CORO2B: variants seen among roughly 807,000 people sequenced by gnomAD.
The protein encoded by CORO2B is coronin-2B.
Under a neutral mutation model 58.8 loss-of-function variants are expected in CORO2B, and 26 were observed. The ratio of observed to expected loss-of-function variants is 0.44; its 90% CI spans 0.32 to 0.61. CORO2B has a LOEUF of 0.61. Among genes scored for constraint, CORO2B ranks in the 20% least tolerant of loss-of-function variants. The pLI is 0.04. For missense variants in CORO2B, 460 were observed against 645.1 expected (o/e 0.71, Z 3.11); for synonymous variants, 242 against 253.8 (o/e 0.95, Z 0.44).
intron 1 of CORO2B, among the ~76,000 whole-genome samples, chr15:68,623,813 C>T (rs916364138): frequency 5.3e-5 from 8 of 152,120 alleles, no homozygotes; most frequent in African/African-American, 1.2e-4. Flanking sequence ...AGGTTGGAGG[C>T]GGGTGTGTTT....
chr15:68,670,163 G>A (rs1902340480), intron 2 of CORO2B, among the ~76,000 whole-genome samples: 1 of 152,054 alleles, frequency 6.6e-6, no homozygotes, highest in Non-Finnish European at 1.5e-5. Flanking sequence ...AGATGGCAAA[G>A]CAGAAGTACT....
In CORO2B at chr15:68,714,571, A is replaced by C. The variant is rs1892988732; in HGVS notation, c.778A>C (p.Met260Leu). Reference sequence around the variant, plus strand: ...TCTTCTCCCTCAGGAGGACCTCTCCATGCCCCTGATCGAAGAGGAAATTGA... The same window carrying C: ...TCTTCTCCCTCAGGAGGACCTCTCCCTGCCCCTGATCGAAGAGGAAATTGA... ...IALWDQEDLSMPLIEEEIDGL... is the reference protein window; with the variant it reads ...IALWDQEDLSLPLIEEEIDGL... Residue 260 changes from methionine to leucine, a missense_variant, in exon 7 of 12, where the codon ATG (methionine) becomes CTG (leucine). Met to Leu is a conservative substitution (Grantham distance 15). Transcript: ENST00000261861. 5 of 1,613,824 alleles carry C rather than the reference A, an allele frequency of 3.1e-6. No individual in the cohort carries two copies. Among genetic ancestry groups the C allele is most frequent in the Non-Finnish European group, 4.2e-6 (5 of 1,179,770 alleles).
chr15:68,695,807 G>A (rs1156273682), intron 3 of CORO2B, among the ~76,000 whole-genome samples: 1 of 152,092 alleles, frequency 6.6e-6, no homozygotes, highest in Admixed American at 6.6e-5. Context: ...AATGAGAAGA[G>A]AGAAGAAACA....
At chr15:68,685,130 A>G (rs1902920592) in intron 2 of CORO2B, among the ~76,000 whole-genome samples, 1 of 152,192 alleles carries the variant, frequency 6.6e-6, no homozygotes, top group Non-Finnish European at 1.5e-5. Context: ...TTACATGCTC[A>G]TCACCTAATG....
upstream of CORO2B, among the ~76,000 whole-genome samples, chr15:68,576,208 A>T (rs1215992875): frequency 6.7e-6 from 1 of 148,832 alleles, no homozygotes; most frequent in Non-Finnish European, 1.5e-5. Flanking sequence ...TGTATTTCTC[A>T]GTATCTCCTA....
chr15:68,664,718 A>G (rs927865934), intron 2 of CORO2B, among the ~76,000 whole-genome samples: 1 of 152,188 alleles, frequency 6.6e-6, no homozygotes. Context: ...TGCCAAGCTG[A>G]TGAGTGGGAA....
the CORO2B span, among the ~76,000 whole-genome samples, chr15:68,560,435 C>G: frequency 2.0e-5 from 3 of 152,080 alleles, no homozygotes; most frequent in Non-Finnish European, 2.9e-5. Flanking sequence ...GCTGGGACTA[C>G]AGGTGCATGC....
chr15:68,548,239 C>G, the CORO2B span, among the ~76,000 whole-genome samples: 1 of 151,436 alleles, frequency 6.6e-6, no homozygotes, highest in South Asian at 2.1e-4. Context: ...ATACATACAT[C>G]TAATTCTTTT....
At chr15:68,671,852 T>G (rs947881954) in intron 2 of CORO2B, among the ~76,000 whole-genome samples, 3 of 152,138 alleles carry the variant, frequency 2.0e-5, no homozygotes, top group African/African-American at 7.2e-5. Flanking sequence ...AGACCAACCC[T>G]GGTGCAATAT....
chr15:68,704,162 C>T (rs1452229797), intron 3 of CORO2B, among the ~76,000 whole-genome samples: 1 of 151,186 alleles, frequency 6.6e-6, no homozygotes, highest in Non-Finnish European at 1.5e-5. Flanking sequence ...ATGGCTTGAT[C>T]CTGGGAGGTG....
At position 68,629,824 on chromosome 15, in the gene CORO2B, GTGTGTGTGTGTGTGTC is replaced by G. The variant is rs1157177113; in HGVS notation, c.16-15322_16-15307del. On this transcript the variant is annotated intron_variant, in intron 1 of 11. Coordinates refer to ENST00000261861, the MANE Select transcript of CORO2B (RefSeq NM_006091.5). Reference sequence around the variant, plus strand: ...GAGCTTGGGCTCTTAACCAGCATGTGTGTGTGTGTGTGTGTCTGTGTGTGTGTGTTGTGTGCATACA... The same window carrying G: ...GAGCTTGGGCTCTTAACCAGCATGTGTGTGTGTGTGTGTTGTGTGCATACA... Among the ~76,000 whole-genome samples, 7 of 152,124 alleles carry G rather than the reference GTGTGTGTGTGTGTGTC, an allele frequency of 4.6e-5. No homozygotes were observed. The East Asian group carries it at 1.2e-3, about 25-fold the overall frequency.
chr15:68,585,049 G>T (rs1227327149), intron 1 of CORO2B, among the ~76,000 whole-genome samples: 1 of 152,222 alleles, frequency 6.6e-6, no homozygotes, highest in Non-Finnish European at 1.5e-5. Context: ...GAGGGACTTT[G>T]TAATTGGTTT....
At chr15:68,675,886 T>G (rs993365470) in intron 2 of CORO2B, among the ~76,000 whole-genome samples, 1 of 151,994 alleles carries the variant, frequency 6.6e-6, no homozygotes, top group African/African-American at 2.4e-5. Flanking sequence ...AACCCCAGCC[T>G]TCATGGGGCC....
At chr15:68,637,771 AG>A (rs1901077141) in intron 1 of CORO2B, among the ~76,000 whole-genome samples, 1 of 152,150 alleles carries the variant, frequency 6.6e-6, no homozygotes. Flanking sequence ...GCTGTTTCCC[AG>A]GGGGCTTCCT....
In CORO2B at chr15:68,726,032, A is replaced by C; in HGVS notation, c.*58A>C. The C allele has an allele frequency of 6.3e-7, 1 of 1,599,532 alleles. No individual in the cohort carries two copies. The highest frequency in any genetic ancestry group is 8.5e-7 in the Non-Finnish European group (1 of 1,177,452). On this transcript the variant is annotated 3_prime_UTR_variant, in exon 12 of 12. Coordinates refer to ENST00000261861, the MANE Select transcript of CORO2B (RefSeq NM_006091.5). Reference sequence around the variant, plus strand: ...CTCCGTCGTTTCTACTCATCCCTTAACTTCTCCCTTACCAGTGACCCCAGA... The same window carrying C: ...CTCCGTCGTTTCTACTCATCCCTTACCTTCTCCCTTACCAGTGACCCCAGA...
chr15:68,675,916 C>G (rs554521332), intron 2 of CORO2B, among the ~76,000 whole-genome samples: 29 of 151,740 alleles, frequency 1.9e-4, no homozygotes, highest in Non-Finnish European at 3.1e-4. Flanking sequence ...GCGGAGGAGA[C>G]AGATAATAAA....
the CORO2B span, among the ~76,000 whole-genome samples, chr15:68,560,183 G>A: frequency 6.6e-6 from 1 of 152,224 alleles, no homozygotes; most frequent in Non-Finnish European, 1.5e-5. Flanking sequence ...AGGTGCTGGA[G>A]GCTGCTAACT....
intron 1 of CORO2B, among the ~76,000 whole-genome samples, chr15:68,585,832 G>C (rs1407897705): frequency 6.6e-6 from 1 of 152,190 alleles, no homozygotes; most frequent in Non-Finnish European, 1.5e-5. Flanking sequence ...TGGGGGAGGA[G>C]GGTGTCCTAT....
At chr15:68,557,375 C>T in the CORO2B span, among the ~76,000 whole-genome samples, 2 of 152,074 alleles carry the variant, frequency 1.3e-5, no homozygotes, top group Non-Finnish European at 2.9e-5. Context: ...CATAGCAGAG[C>T]TGAGGTTCAG....
Sources: gnomAD v4.1 joint callset for allele counts (sites outside exome capture counted in the v4.1 genomes callset) on GRCh38, gnomAD v4.1.1 for gene constraint, MANE v1.5 for transcripts, NCBI Gene and HGNC (gene_info 2026-07-23, HGNC 2026-07-21) for gene names.